The following ANKS1B variants were observed in gnomAD, a reference collection of about 807,000 sequenced individuals.
ANKS1B encodes ankyrin repeat and sterile alpha motif domain-containing protein 1B.
In ANKS1B, 36 loss-of-function variants were observed where a neutral mutation model predicts 148.3. The ratio of observed to expected loss-of-function variants is 0.24; its 90% CI spans 0.19 to 0.32. The LOEUF (loss-of-function observed/expected upper bound fraction) is 0.32, where lower values mean the gene tolerates loss of function less well. Among genes scored for constraint, ANKS1B ranks in the 10% least tolerant of loss-of-function variants. The pLI, the probability that ANKS1B is intolerant of heterozygous loss-of-function variation, is 1.00. For synonymous variants in ANKS1B, 542 were observed against 560.8 expected (o/e 0.97, Z 0.47); for missense variants, 1,157 against 1,542.6 (o/e 0.75, Z 4.19).
Position 99,198,669 on chromosome 12 carries a change from A to T in ANKS1B, c.2420-44274T>A, listed in dbSNP as rs138477570. The stretch of plus-strand genomic sequence containing the variant: ...TTAGATTGAATTCTAAAGATCAATG[A>T]ACTTGGAAAATGTGGTCTCTTCTCT... On this transcript the variant is annotated intron_variant, in intron 14 of 26. Transcript: ENST00000683438. Among the ~76,000 whole-genome samples, 539 of 152,300 alleles carry T rather than the reference A, an allele frequency of 3.5e-3. 3 individuals are homozygous for T. The highest frequency in any genetic ancestry group is 6.0e-3 in the Non-Finnish European group (411 of 68,028).
intron 1 of ANKS1B, among the ~76,000 whole-genome samples, chr12:99,871,153 C>T (rs2153727753): frequency 6.6e-6 from 1 of 152,252 alleles, no homozygotes; most frequent in Admixed American, 6.5e-5. Context: ...CTGGCTATCC[C>T]AGCACTATTT....
intron 9 of ANKS1B, among the ~76,000 whole-genome samples, chr12:99,526,682 A>G (rs2096929944): frequency 2.0e-5 from 3 of 152,160 alleles, no homozygotes. Flanking sequence ...AATTGGAGGT[A>G]CCAATTTAAC....
intron 1 of ANKS1B, among the ~76,000 whole-genome samples, chr12:99,957,880 C>T (rs35278763): frequency 0.12 from 18,172 of 152,232 alleles, 1,449 homozygotes; most frequent in Middle Eastern, 0.19. Flanking sequence ...CTCCTGAATG[C>T]TGTATATGTT....
intron 9 of ANKS1B, among the ~76,000 whole-genome samples, chr12:99,554,365 C>T (rs1203678246): frequency 6.6e-6 from 1 of 152,130 alleles, no homozygotes; most frequent in East Asian, 1.9e-4. Context: ...CCATGAAATG[C>T]TGAAACAGTC....
intron 17 of ANKS1B, among the ~76,000 whole-genome samples, chr12:98,886,124 T>G (rs2099739545): frequency 6.6e-6 from 1 of 152,220 alleles, no homozygotes; most frequent in South Asian, 2.1e-4. Flanking sequence ...AGAATTTTAT[T>G]CAAATAAACA....
At chr12:99,772,859 AAGTGTACAC>A in intron 8 of ANKS1B, 54 bp downstream of exon 8, 1 of 1,488,148 alleles carries the variant, frequency 6.7e-7, no homozygotes, top group South Asian at 1.3e-5. Context: ...CATACCTCTT[AAGTGTACAC>A]ACTGAACTGG....
chr12:99,412,806 A>C (rs1410999913), intron 11 of ANKS1B, among the ~76,000 whole-genome samples: 2 of 152,192 alleles, frequency 1.3e-5, no homozygotes, highest in Non-Finnish European at 2.9e-5. Context: ...TGTATATAAG[A>C]GATTTGAGGA....
chr12:99,429,043 T>C (rs1247590804), intron 11 of ANKS1B, among the ~76,000 whole-genome samples: 3 of 152,146 alleles, frequency 2.0e-5, no homozygotes, highest in African/African-American at 4.8e-5. Context: ...TCTCTGCAAG[T>C]ATAAACAAAT....
chr12:99,798,959 A>G (rs1297068757), intron 4 of ANKS1B, among the ~76,000 whole-genome samples: 1 of 152,040 alleles, frequency 6.6e-6, no homozygotes, highest in African/African-American at 2.4e-5. Context: ...CTCCATAAAC[A>G]TACACACCTT....
intron 17 of ANKS1B, among the ~76,000 whole-genome samples, chr12:98,852,207 A>G (rs1215795089): frequency 2.0e-5 from 3 of 152,110 alleles, no homozygotes; most frequent in Non-Finnish European, 2.9e-5. Context: ...CTTGTTCATT[A>G]CTAAATTCCC....
At chr12:99,222,704 A>C (rs2085312514) in intron 14 of ANKS1B, among the ~76,000 whole-genome samples, 1 of 152,212 alleles carries the variant, frequency 6.6e-6, no homozygotes, top group African/African-American at 2.4e-5. Context: ...AATCTGGAAT[A>C]TGGCTCATTT....
At chr12:99,823,365 A>C (rs2082746133) in intron 2 of ANKS1B, among the ~76,000 whole-genome samples, 1 of 152,082 alleles carries the variant, frequency 6.6e-6, no homozygotes, top group South Asian at 2.1e-4. Flanking sequence ...GAGTGCAGTC[A>C]TGAGATCTCT....
intron 12 of ANKS1B, among the ~76,000 whole-genome samples, chr12:99,377,801 C>A (rs888494520): frequency 6.6e-6 from 1 of 152,152 alleles, no homozygotes; most frequent in Admixed American, 6.5e-5. Flanking sequence ...AACAATATCT[C>A]CCATCCCATA....
chr12:99,774,439 C>T (rs577699132), intron 7 of ANKS1B, among the ~76,000 whole-genome samples: 10 of 152,184 alleles, frequency 6.6e-5, no homozygotes, highest in Admixed American at 5.2e-4. Flanking sequence ...GGGGTATCAT[C>T]TCCCATCTAT....
At chr12:99,330,562 ATC>A (rs1422997562) in intron 12 of ANKS1B, among the ~76,000 whole-genome samples, 4 of 152,036 alleles carry the variant, frequency 2.6e-5, no homozygotes, top group African/African-American at 9.7e-5. Flanking sequence ...GATTATTTGC[ATC>A]TGTTTTAGAA....
chr12:99,671,644 A>C (rs2098538720), intron 8 of ANKS1B, among the ~76,000 whole-genome samples: 1 of 152,150 alleles, frequency 6.6e-6, no homozygotes, highest in East Asian at 1.9e-4. Context: ...GTCATGATAA[A>C]TCATCAAAAC....
chr12:99,801,848 G>T (rs1026093167), intron 4 of ANKS1B, among the ~76,000 whole-genome samples: 36 of 152,120 alleles, frequency 2.4e-4, no homozygotes, highest in African/African-American at 8.7e-4. Context: ...AAACCTAAAA[G>T]GTTCATTTAA....
chr12:98,747,287 T>C (rs1461852559), intron 26 of ANKS1B, among the ~76,000 whole-genome samples: 1 of 152,002 alleles, frequency 6.6e-6, no homozygotes, highest in Admixed American at 6.6e-5. Flanking sequence ...TAACAGGCAA[T>C]AGAACTGAAC....
At chr12:99,829,778 C>T (rs751710018) in intron 1 of ANKS1B, among the ~76,000 whole-genome samples, 1 of 152,050 alleles carries the variant, frequency 6.6e-6, no homozygotes, top group Non-Finnish European at 1.5e-5. Context: ...TGCAGTGAGG[C>T]GAGATCACGC....
Sources: allele counts gnomAD v4.1 joint callset (sites outside exome capture counted in the v4.1 genomes callset), GRCh38; gene constraint gnomAD v4.1.1; transcripts MANE v1.5; gene names NCBI Gene and HGNC (gene_info 2026-07-23, HGNC 2026-07-21).